Variants in CSMD1 observed in about 807,000 individuals in gnomAD.
CSMD1 encodes the protein CUB and Sushi multiple domains 1.
A neutral mutation model predicts 417.5 loss-of-function variants in CSMD1; 213 were observed. The ratio of observed to expected loss-of-function variants is 0.51; its 90% confidence interval spans 0.46 to 0.57. The LOEUF is 0.57. Ranked by LOEUF, CSMD1 falls within the 20% of genes least tolerant of loss-of-function variation. The probability of loss-of-function intolerance (pLI) is 0.00; values close to 1 mark genes in which losing one functional copy is unlikely to be tolerated. For missense variants in CSMD1, 6,923 were observed against 4,529.7 expected (o/e 1.53, Z -15.17); for synonymous variants, 2,862 against 1,736.8 (o/e 1.65, Z -16.11).
intron 11 of CSMD1, among the ~76,000 whole-genome samples, chr8:3,487,451 T>C (rs1818113550): frequency 6.6e-6 from 1 of 152,298 alleles, no homozygotes; most frequent in Non-Finnish European, 1.5e-5. Context: ...TCTGCCCGCC[T>C]CGGCCTCCCC....
rs143623401 is a variant in CSMD1 at position 4,756,576 on chromosome 8, G to A, written c.86-119018C>T. Among the ~76,000 whole-genome samples, 172 of 152,258 alleles carry A rather than the reference G, an allele frequency of 1.1e-3. 3 individuals are homozygous for A. Among genetic ancestry groups the A allele is most frequent in the African/African-American group, 3.9e-3 (163 of 41,580 alleles). Reference sequence around the variant, plus strand: ...ATAATGCTATTGAAATAGAGCATGCGTTCTAGACTTGTTTTTGCAGATGTA... The same window carrying A: ...ATAATGCTATTGAAATAGAGCATGCATTCTAGACTTGTTTTTGCAGATGTA... On this transcript the variant is annotated intron_variant, in intron 1 of 69. Transcript: ENST00000635120.
At chr8:3,273,435 T>C (rs373314570) in intron 26 of CSMD1, among the ~76,000 whole-genome samples, 1 of 152,086 alleles carries the variant, frequency 6.6e-6, no homozygotes, top group South Asian at 2.1e-4. Context: ...ATCAGGATGA[T>C]GCTGGCCTCA....
At chr8:3,165,866 A>G (rs1053893795) in intron 37 of CSMD1, among the ~76,000 whole-genome samples, 1 of 152,268 alleles carries the variant, frequency 6.6e-6, no homozygotes, top group Non-Finnish European at 1.5e-5. Context: ...TGAGAGAGAA[A>G]TCAACCATCT....
At position 4,226,196 on chromosome 8, in the gene CSMD1, T is replaced by C. The variant is rs566991967; in HGVS notation, c.415+193757A>G. Among the ~76,000 whole-genome samples the C allele has an allele frequency of 4.5e-4, 69 of 152,220 alleles. No homozygotes were observed. In the South Asian group the frequency reaches 0.01, roughly 22 times the overall value. On this transcript the variant is annotated intron_variant, in intron 3 of 69. Coordinates refer to ENST00000635120, the MANE Select transcript of CSMD1 (RefSeq NM_033225.6). ...CTTAGCAACTTAAAGGAGATCATTT[T>C]ACTAACCACTCTTTACCTTGAAAGG...
chr8:4,352,680 G>C (rs779397402), intron 3 of CSMD1, among the ~76,000 whole-genome samples: 2 of 152,114 alleles, frequency 1.3e-5, no homozygotes, highest in African/African-American at 2.4e-5. Context: ...TTATAAAAAC[G>C]TATGCATTTT....
intron 2 of CSMD1, among the ~76,000 whole-genome samples, chr8:4,551,946 C>G (rs375414173): frequency 1.3e-5 from 2 of 152,018 alleles, no homozygotes; most frequent in East Asian, 1.9e-4. Flanking sequence ...CTTGACCTCC[C>G]AAAATGCTGG....
At chr8:3,899,770 C>T (rs930026126) in intron 5 of CSMD1, among the ~76,000 whole-genome samples, 2 of 152,174 alleles carry the variant, frequency 1.3e-5, no homozygotes, top group African/African-American at 4.8e-5. Context: ...GCTTTCAGGG[C>T]ACAGTTTTGA....
At chr8:3,713,943 G>A (rs1051639523) in intron 6 of CSMD1, among the ~76,000 whole-genome samples, 6 of 151,868 alleles carry the variant, frequency 4.0e-5, no homozygotes, top group African/African-American at 7.3e-5. Flanking sequence ...TTTAAGTACT[G>A]CACCAAAAGA....
At chr8:3,311,112 G>A (rs1307445068) in intron 23 of CSMD1, among the ~76,000 whole-genome samples, 2 of 151,648 alleles carry the variant, frequency 1.3e-5, no homozygotes, top group African/African-American at 4.8e-5. Flanking sequence ...CTTTCCAAAT[G>A]TCTTAAATTC....
At chr8:4,314,037 G>GATAATA (rs1044340334) in intron 3 of CSMD1, among the ~76,000 whole-genome samples, 2 of 147,392 alleles carry the variant, frequency 1.4e-5, no homozygotes, top group South Asian at 4.4e-4. Flanking sequence ...TAATAATAAT[G>GATAATA]ATAATAATAA....
intron 49 of CSMD1, among the ~76,000 whole-genome samples, chr8:3,075,188 G>C (rs887716699): frequency 2.6e-5 from 4 of 151,838 alleles, no homozygotes; most frequent in Non-Finnish European, 5.9e-5. Context: ...CATACTTCCT[G>C]TCCAGCCGGA....
At chr8:3,752,823 C>G (rs1247708948) in intron 6 of CSMD1, among the ~76,000 whole-genome samples, 1 of 152,126 alleles carries the variant, frequency 6.6e-6, no homozygotes, top group African/African-American at 2.4e-5. Flanking sequence ...TACTTCTCAG[C>G]ACCCTCTGCA....
chr8:2,998,013 C>A lies in CSMD1; in HGVS notation c.8375G>T (p.Arg2792Leu), dbSNP rs759605369. The A allele has an allele frequency of 6.2e-7, 1 of 1,612,882 alleles. No individual in the cohort carries two copies. Among genetic ancestry groups the A allele is most frequent in the Admixed American group, 1.7e-5 (1 of 59,962 alleles). ...GQWSSPLPTC[R>L]VVNCSDPGFV... Reference sequence around the variant, plus strand: ...TCATTCCTGGATGCTGTTCCTACCTCGACACGTGGGCAGAGGGCTACTCCA... The same window carrying A: ...TCATTCCTGGATGCTGTTCCTACCTAGACACGTGGGCAGAGGGCTACTCCA... Residue 2792 changes from arginine to leucine, a missense_variant and splice_region_variant, in exon 54 of 70, where the codon CGA becomes CTA. Transcript: ENST00000635120.
At chr8:3,051,501 T>A (rs1448741914) in intron 50 of CSMD1, among the ~76,000 whole-genome samples, 2 of 152,152 alleles carry the variant, frequency 1.3e-5, no homozygotes, top group African/African-American at 4.8e-5. Flanking sequence ...GTACTATGGT[T>A]ATTACCTGGC....
intron 62 of CSMD1, among the ~76,000 whole-genome samples, chr8:2,958,988 G>A (rs1434249208): frequency 6.6e-6 from 1 of 152,204 alleles, no homozygotes; most frequent in African/African-American, 2.4e-5. Context: ...TAAAGTGGAA[G>A]TATGAATTTA....
At chr8:3,478,480 C>T (rs1817552553) in intron 11 of CSMD1, among the ~76,000 whole-genome samples, 1 of 152,120 alleles carries the variant, frequency 6.6e-6, no homozygotes, top group South Asian at 2.1e-4. Context: ...CTGATAATGG[C>T]ACAAGAAGCT....
At chr8:3,967,881 C>A (rs751229056) in intron 5 of CSMD1, among the ~76,000 whole-genome samples, 44 of 151,764 alleles carry the variant, frequency 2.9e-4, no homozygotes, top group Admixed American at 2.0e-4. Flanking sequence ...GAATGTGCCA[C>A]AATTGGCCGG....
intron 15 of CSMD1, among the ~76,000 whole-genome samples, chr8:3,401,924 C>G (rs1316076172): frequency 6.7e-6 from 1 of 150,202 alleles, no homozygotes; most frequent in Non-Finnish European, 1.5e-5. Context: ...ACCAATGAGC[C>G]AATGAGGTGT....
At chr8:4,964,230 G>A (rs1809697437) in intron 1 of CSMD1, among the ~76,000 whole-genome samples, 1 of 152,122 alleles carries the variant, frequency 6.6e-6, no homozygotes, top group African/African-American at 2.4e-5. Context: ...TGAGTAGCAG[G>A]CAGCCAGGTA....
Sources: allele counts gnomAD v4.1 joint callset (sites outside exome capture counted in the v4.1 genomes callset), GRCh38; gene constraint gnomAD v4.1.1; transcripts MANE v1.5; gene names NCBI Gene and HGNC (gene_info 2026-07-23, HGNC 2026-07-21).